AMPH: variants seen among roughly 807,000 people sequenced by gnomAD.
AMPH encodes amphiphysin, also known as amphiphysin (Stiff-Mann syndrome with breast cancer 128kD autoantigen).
Under a neutral mutation model 99.1 loss-of-function variants are expected in AMPH, and 49 were observed. The observed-to-expected ratio is 0.49, with a 90% CI of 0.39 to 0.63. The LOEUF (loss-of-function observed/expected upper bound fraction) is 0.63. Ranked by LOEUF, AMPH falls within the 20% of genes least tolerant of loss-of-function variation. AMPH has a pLI of 0.00. For synonymous variants in AMPH, 314 were observed against 317.3 expected (o/e 0.99, Z 0.11); for missense variants, 759 against 863.4 (o/e 0.88, Z 1.52).
rs62446778 is a variant in AMPH at position 38,434,549 on chromosome 7, C to A, written c.1134+1723G>T. 8.5e-3 allele frequency among the ~76,000 whole-genome samples: 1,297 copies of A among 152,148 alleles called. 17 individuals are homozygous for A. The highest frequency in any genetic ancestry group is 0.013 in the Non-Finnish European group (907 of 68,000). On this transcript the variant is annotated intron_variant, in intron 12 of 20. Coordinates refer to ENST00000356264, the MANE Select transcript of AMPH (RefSeq NM_001635.4). Reference sequence around the variant, plus strand: ...GGTCAGGAGATCGAGACCATCCTGGCAAACATGGTGAAACCCCACCTCTAC... The same window carrying A: ...GGTCAGGAGATCGAGACCATCCTGGAAAACATGGTGAAACCCCACCTCTAC...
At chr7:38,509,122 T>C (rs1789443610) in intron 2 of AMPH, among the ~76,000 whole-genome samples, 1 of 152,208 alleles carries the variant, frequency 6.6e-6, no homozygotes, top group Admixed American at 6.5e-5. Flanking sequence ...ATTGGAGCTG[T>C]CTGTCATTAA....
chr7:38,609,036 A>T (rs777169129), intron 1 of AMPH, among the ~76,000 whole-genome samples: 22 of 152,214 alleles, frequency 1.4e-4, no homozygotes, highest in Non-Finnish European at 2.2e-4. Context: ...GTAAAAGCCC[A>T]GTGGGCTCTT....
At chr7:38,509,684 A>C (rs1047498104) in intron 2 of AMPH, among the ~76,000 whole-genome samples, 1 of 152,184 alleles carries the variant, frequency 6.6e-6, no homozygotes, top group African/African-American at 2.4e-5. Context: ...GACTTGACTT[A>C]TAAGGTGCAT....
chr7:38,615,391 T>C (rs1019053693), intron 1 of AMPH, among the ~76,000 whole-genome samples: 2 of 152,074 alleles, frequency 1.3e-5, no homozygotes, highest in African/African-American at 4.8e-5. Context: ...TCCATTACCC[T>C]TCATTAAGTC....
Position 38,384,738 on chromosome 7 carries a change from A to G in AMPH, c.*80T>C. The G allele has an allele frequency of 8.5e-7, 1 of 1,178,494 alleles. No individual in the cohort carries two copies. Among genetic ancestry groups the G allele is most frequent in the East Asian group, 2.4e-5 (1 of 42,202 alleles). 73.0% of individuals were successfully genotyped at this position (1,178,494 alleles called of 1,614,324 possible). ...CAGTCTGTAAATCATTAAGAGCATAATAACAAAAGTGAACTCTTCAGGTTT... is the reference window on the plus strand; with the variant it reads ...CAGTCTGTAAATCATTAAGAGCATAGTAACAAAAGTGAACTCTTCAGGTTT... On this transcript the variant is annotated 3_prime_UTR_variant, in exon 21 of 21. Transcript: ENST00000356264.
chr7:38,570,389 T>C (rs1791899277), intron 1 of AMPH, among the ~76,000 whole-genome samples: 1 of 152,142 alleles, frequency 6.6e-6, no homozygotes, highest in African/African-American at 2.4e-5. Flanking sequence ...GGATTTACAG[T>C]ACAGTCATGA....
intron 1 of AMPH, among the ~76,000 whole-genome samples, chr7:38,565,400 G>A (rs1239280752): frequency 5.3e-5 from 8 of 152,098 alleles, no homozygotes; most frequent in Non-Finnish European, 7.3e-5. Flanking sequence ...GTCTGAGATC[G>A]AGGTGCCATC....
chr7:38,612,372 G>T (rs1036959407), intron 1 of AMPH, among the ~76,000 whole-genome samples: 2 of 151,940 alleles, frequency 1.3e-5, no homozygotes, highest in Non-Finnish European at 2.9e-5. Context: ...CACCGCACCC[G>T]GCCTGTTTTT....
At chr7:38,500,150 G>A (rs191125824) in intron 3 of AMPH, among the ~76,000 whole-genome samples, 6 of 152,252 alleles carry the variant, frequency 3.9e-5, no homozygotes, top group East Asian at 1.9e-4. Context: ...CATTCTTCAC[G>A]AGGCTTTGAG....
rs189116609 is a variant in AMPH, at chr7:38,432,113, T to C, written c.1158+76A>G. On this transcript the variant is annotated intron_variant, in intron 13 of 20. Coordinates refer to ENST00000356264, the MANE Select transcript of AMPH (RefSeq NM_001635.4). ...GTATGTGTCTTCTTTCTGTTGCAAA[T>C]GAAATAAAATATAACAAGGTTTCCA... 2,058 of 1,252,622 alleles carry C rather than the reference T, an allele frequency of 1.6e-3. 32 individuals are homozygous for C. The Admixed American group carries it at 0.019, about 11-fold the overall frequency. 77.6% of individuals were successfully genotyped at this position (1,252,622 alleles called of 1,614,324 possible).
intron 2 of AMPH, among the ~76,000 whole-genome samples, chr7:38,513,890 A>G (rs1789635513): frequency 6.6e-6 from 1 of 152,162 alleles, no homozygotes; most frequent in African/African-American, 2.4e-5. Flanking sequence ...TTCTGGTCTA[A>G]ATGAGTCCCT....
chr7:38,582,784 C>T (rs546850892), intron 1 of AMPH, among the ~76,000 whole-genome samples: 32 of 152,296 alleles, frequency 2.1e-4, no homozygotes, highest in African/African-American at 7.7e-4. Flanking sequence ...CGGGGACGCA[C>T]AGGGTCCTAG....
chr7:38,492,487 C>A (rs1300785671), intron 4 of AMPH, among the ~76,000 whole-genome samples: 1 of 152,198 alleles, frequency 6.6e-6, no homozygotes, highest in East Asian at 1.9e-4. Context: ...AACACACACA[C>A]ACACTTTTAA....
intron 1 of AMPH, among the ~76,000 whole-genome samples, chr7:38,606,470 T>C (rs755256498): frequency 5.3e-5 from 8 of 152,146 alleles, no homozygotes; most frequent in African/African-American, 1.7e-4. Flanking sequence ...AGGTGGAATA[T>C]CTACAATACA....
chr7:38,386,223 T>C (rs537179529), intron 20 of AMPH, among the ~76,000 whole-genome samples: 4 of 152,312 alleles, frequency 2.6e-5, no homozygotes, highest in Admixed American at 1.3e-4. Flanking sequence ...TGATGTCATA[T>C]ATGTGAAGGA....
intron 1 of AMPH, among the ~76,000 whole-genome samples, chr7:38,614,040 G>A (rs1008049338): frequency 7.2e-5 from 11 of 152,128 alleles, no homozygotes; most frequent in African/African-American, 2.7e-4. Flanking sequence ...GACCGGGAAA[G>A]GGAAAGGCAG....
chr7:38,569,809 T>C (rs1186653874), intron 1 of AMPH, among the ~76,000 whole-genome samples: 1 of 152,122 alleles, frequency 6.6e-6, no homozygotes, highest in Non-Finnish European at 1.5e-5. Flanking sequence ...AAAAGTGGCA[T>C]TAATAGGTCT....
intron 11 of AMPH, among the ~76,000 whole-genome samples, chr7:38,457,007 A>G (rs1787261689): frequency 6.6e-6 from 1 of 152,228 alleles, no homozygotes; most frequent in African/African-American, 2.4e-5. Context: ...CAGCCAAATA[A>G]ATTATACAAA....
intron 1 of AMPH, among the ~76,000 whole-genome samples, chr7:38,579,882 G>C (rs577742540): frequency 2.3e-4 from 35 of 152,308 alleles, no homozygotes; most frequent in African/African-American, 8.2e-4. Context: ...CCTAGGGAAA[G>C]AGAAACACAA....
Sources: gnomAD v4.1 joint callset for allele counts (sites outside exome capture counted in the v4.1 genomes callset) on GRCh38, gnomAD v4.1.1 for gene constraint, MANE v1.5 for transcripts, NCBI Gene and HGNC (gene_info 2026-07-23, HGNC 2026-07-21) for gene names.